TAPT1: variants seen among roughly 807,000 people sequenced by gnomAD.
TAPT1 encodes the protein transmembrane anterior posterior transformation protein 1 homolog.
TAPT1 carries 28 observed loss-of-function variants against 65.6 expected under a neutral mutation model. That is an observed-to-expected ratio of 0.43 (90% CI 0.32 to 0.59). The LOEUF (loss-of-function observed/expected upper bound fraction) is 0.59. Ranked by LOEUF, TAPT1 falls within the 20% of genes least tolerant of loss-of-function variation. The probability of loss-of-function intolerance (pLI) is 0.09; values close to 1 mark genes in which losing one functional copy is unlikely to be tolerated. For missense variants in TAPT1, 563 were observed against 679.9 expected (o/e 0.83, Z 1.91); for synonymous variants, 278 against 245.2 (o/e 1.13, Z -1.25).
At chr4:16,197,320 C>T (rs1749768568) in intron 3 of TAPT1, among the ~76,000 whole-genome samples, 1 of 152,200 alleles carries the variant, frequency 6.6e-6, no homozygotes, top group South Asian at 2.1e-4. Context: ...AAAAAACACT[C>T]CGGCATTTAT....
chr4:16,166,151 T>A (rs1379094191), intron 13 of TAPT1, among the ~76,000 whole-genome samples: 1 of 152,204 alleles, frequency 6.6e-6, no homozygotes, highest in Non-Finnish European at 1.5e-5. Flanking sequence ...GGCCTCTGCC[T>A]GGGAGCTGCT....
chr4:16,182,105 T>C (rs1748745275), intron 7 of TAPT1, among the ~76,000 whole-genome samples: 1 of 152,218 alleles, frequency 6.6e-6, no homozygotes, highest in Admixed American at 6.5e-5. Context: ...GGAAGTTTTA[T>C]TCTTACACTT....
At chr4:16,216,556 C>T (rs1316623850) in intron 1 of TAPT1, among the ~76,000 whole-genome samples, 1 of 152,170 alleles carries the variant, frequency 6.6e-6, no homozygotes, top group African/African-American at 2.4e-5. Flanking sequence ...GATTCAGCAC[C>T]TCTCCTGGAG....
rs1748592879 is a variant in TAPT1 at position 16,179,769 on chromosome 4, T to C, written c.917-112A>G. On this transcript the variant is annotated intron_variant, in intron 7 of 13. Coordinates refer to ENST00000405303, the MANE Select transcript of TAPT1 (RefSeq NM_153365.3). ...ATGAAATTATTAGACGATGTATAAATGTCTATAAATATACAACTTTATATA... is the reference window on the plus strand; with the variant it reads ...ATGAAATTATTAGACGATGTATAAACGTCTATAAATATACAACTTTATATA... The C allele has an allele frequency of 1.5e-5, 8 of 517,232 alleles. No individual in the cohort carries two copies. In the East Asian group the frequency reaches 2.8e-4, roughly 18 times the overall value. 32.0% of individuals were successfully genotyped at this position (517,232 alleles called of 1,614,324 possible). A position where few individuals can be genotyped will look rare whatever the true frequency, so the allele number is the denominator to read the frequency against.
chr4:16,185,161 T>G (rs1228226684), intron 7 of TAPT1, among the ~76,000 whole-genome samples: 1 of 148,818 alleles, frequency 6.7e-6, no homozygotes, highest in African/African-American at 2.4e-5. Context: ...CCAAAGTTCT[T>G]TTTTTTTTAA....
At chr4:16,178,429 A>G (rs1279184526) in intron 8 of TAPT1, among the ~76,000 whole-genome samples, 1 of 152,254 alleles carries the variant, frequency 6.6e-6, no homozygotes, top group African/African-American at 2.4e-5. Context: ...TATAACATAT[A>G]TAATACTGGG....
chr4:16,201,768 T>C (rs1375978586), intron 3 of TAPT1, among the ~76,000 whole-genome samples: 1 of 152,136 alleles, frequency 6.6e-6, no homozygotes, highest in East Asian at 1.9e-4. Context: ...GTATTTTTTT[T>C]ACATCTTCCA....
intron 2 of TAPT1, among the ~76,000 whole-genome samples, chr4:16,205,191 T>C (rs1369613295): frequency 6.6e-6 from 1 of 152,206 alleles, no homozygotes; most frequent in African/African-American, 2.4e-5. Flanking sequence ...TTTAGCACCA[T>C]TTGAAATTTC....
intron 2 of TAPT1, among the ~76,000 whole-genome samples, chr4:16,204,076 T>C (rs1046358591): frequency 1.3e-5 from 2 of 152,196 alleles, no homozygotes; most frequent in African/African-American, 4.8e-5. Context: ...AAGGTCCATA[T>C]AGATAGAGTT....
intron 1 of TAPT1, among the ~76,000 whole-genome samples, chr4:16,217,318 T>C (rs1222187420): frequency 6.6e-6 from 1 of 151,908 alleles, no homozygotes; most frequent in Non-Finnish European, 1.5e-5. Context: ...AATATACAGG[T>C]CAGAGGAGAA....
At chr4:16,205,440 C>T (rs917406725) in intron 2 of TAPT1, among the ~76,000 whole-genome samples, 1 of 152,136 alleles carries the variant, frequency 6.6e-6, no homozygotes, top group Non-Finnish European at 1.5e-5. Context: ...CCTGTAAAAG[C>T]AGAGACCATA....
At chr4:16,179,788 T>TTATATATATATATATATGTGTATA (rs757324466) in intron 7 of TAPT1, 131 bp from the exon 8 acceptor site, 45 of 431,810 alleles carry the variant, frequency 1.0e-4, no homozygotes, top group Middle Eastern at 1.3e-3. Context: ...ATATACAACT[T>TTATATATATATATATATGTGTATA]TATATATATA....
intron 2 of TAPT1, among the ~76,000 whole-genome samples, chr4:16,207,058 T>G (rs2149707566): frequency 6.6e-6 from 1 of 152,266 alleles, no homozygotes; most frequent in African/African-American, 2.4e-5. Flanking sequence ...CTGAGACATG[T>G]GGATCCCTAC....
intron 1 of TAPT1, among the ~76,000 whole-genome samples, chr4:16,216,475 C>T (rs889913106): frequency 6.6e-6 from 1 of 152,168 alleles, no homozygotes; most frequent in Non-Finnish European, 1.5e-5. Flanking sequence ...ATATTTCCAA[C>T]AGCCTCCTCT....
intron 7 of TAPT1, among the ~76,000 whole-genome samples, chr4:16,186,260 G>A (rs909548025): frequency 6.6e-6 from 1 of 152,146 alleles, no homozygotes; most frequent in Non-Finnish European, 1.5e-5. Context: ...TCTATAAAAT[G>A]GAAAAATACC....
At chr4:16,177,818 GGTTT>G (rs1560157895) in intron 8 of TAPT1, among the ~76,000 whole-genome samples, 1 of 112,324 alleles carries the variant, frequency 8.9e-6, no homozygotes, top group African/African-American at 4.5e-5. Flanking sequence ...GCACTTTGTT[GGTTT>G]TTTTTTTTAA....
intron 7 of TAPT1, 133 bp from the exon 8 acceptor site, chr4:16,179,790 A>C: frequency 2.6e-6 from 1 of 383,188 alleles, no homozygotes; most frequent in East Asian, 4.7e-5. Context: ...ATACAACTTT[A>C]TATATATATA....
intron 3 of TAPT1, among the ~76,000 whole-genome samples, chr4:16,192,890 T>G (rs1749456541): frequency 6.6e-6 from 1 of 152,240 alleles, no homozygotes; most frequent in Non-Finnish European, 1.5e-5. Context: ...CACCTATGTA[T>G]TTGATATTCC....
intron 2 of TAPT1, among the ~76,000 whole-genome samples, chr4:16,209,694 G>A (rs941667866): frequency 5.3e-5 from 8 of 152,178 alleles, no homozygotes; most frequent in African/African-American, 1.9e-4. Flanking sequence ...GGAGAGATCT[G>A]TCTGGAAGTC....
Sources: allele counts gnomAD v4.1 joint callset (sites outside exome capture counted in the v4.1 genomes callset), GRCh38; gene constraint gnomAD v4.1.1; transcripts MANE v1.5; gene names NCBI Gene and HGNC (gene_info 2026-07-23, HGNC 2026-07-21).